The following SLC25A48 variants were observed in gnomAD, a reference collection of about 807,000 sequenced individuals.
The protein encoded by SLC25A48 is solute carrier family 25 member 48, also known as CTC-321K16.1.
SLC25A48 carries 29 observed loss-of-function variants against 32.2 expected under a neutral mutation model. The observed-to-expected ratio is 0.90, with a 90% CI of 0.67 to 1.23. SLC25A48 has a LOEUF of 1.23. Among genes scored for constraint, SLC25A48 ranks in the 50% most tolerant of loss-of-function variants. SLC25A48 has a pLI of 0.00. For missense variants in SLC25A48, 399 were observed against 422.7 expected, an observed-to-expected ratio of 0.94 and a Z score of 0.49; for synonymous variants, 164 against 172.3, an observed-to-expected ratio of 0.95 and a Z score of 0.38.
intron 3 of SLC25A48, among the ~76,000 whole-genome samples, chr5:135,787,571 C>A (rs914976300): frequency 6.6e-6 from 1 of 151,930 alleles, no homozygotes; most frequent in East Asian, 1.9e-4. Flanking sequence ...GAGGTGTACA[C>A]CCTGTAATAT....
intron 3 of SLC25A48, among the ~76,000 whole-genome samples, chr5:135,791,634 C>T (rs1757033463): frequency 6.6e-6 from 1 of 151,574 alleles, no homozygotes; most frequent in African/African-American, 2.4e-5. Flanking sequence ...CCTAATGTCA[C>T]AGAGGGTGTA....
upstream of SLC25A48, chr5:135,834,637 G>A: frequency 1.7e-6 from 1 of 574,690 alleles, no homozygotes; most frequent in South Asian, 2.4e-5. Flanking sequence ...GGTCCACTGG[G>A]GGCGTGATGT....
intron 1 of SLC25A48, among the ~76,000 whole-genome samples, chr5:135,614,862 T>G (rs1472206690): frequency 6.6e-6 from 1 of 152,206 alleles, no homozygotes; most frequent in African/African-American, 2.4e-5. Flanking sequence ...ATTTCACCCT[T>G]TCTGTTCTCG....
In SLC25A48 at chr5:135,631,588, A is replaced by G. The variant is rs573375912; in HGVS notation, c.-709+2212A>G. Among the ~76,000 whole-genome samples the G allele has an allele frequency of 2.6e-5, 4 of 152,334 alleles. No individual in the cohort carries two copies. The South Asian group carries it at 8.3e-4, about 32-fold the overall frequency. ...TGAAAGCTCCAGGGTGACCCAACAA[A>G]TGGCTAATTTTCCAGAACTAATCTG... On this transcript the variant is annotated intron_variant, in intron 2 of 10. Coordinates refer to the SLC25A48 transcript ENST00000646290.
At chr5:135,607,207 C>G (rs988310824) in intron 1 of SLC25A48, among the ~76,000 whole-genome samples, 1 of 152,236 alleles carries the variant, frequency 6.6e-6, no homozygotes, top group Non-Finnish European at 1.5e-5. Flanking sequence ...CCCTTTCCTT[C>G]CCCTACATTC....
chr5:135,771,146 A>G (rs577734871), intron 3 of SLC25A48, among the ~76,000 whole-genome samples: 1 of 151,514 alleles, frequency 6.6e-6, no homozygotes, highest in South Asian at 2.1e-4. Flanking sequence ...AGTGGGGAAG[A>G]AAATGATATT....
intron 7 of SLC25A48, among the ~76,000 whole-genome samples, chr5:135,882,662 G>A (rs1762560264): frequency 1.3e-5 from 2 of 152,140 alleles, no homozygotes; most frequent in Admixed American, 6.5e-5. Flanking sequence ...GACCTTTGGT[G>A]GTAGAAGTGG....
At chr5:135,640,973 C>A (rs1293957254) in intron 3 of SLC25A48, among the ~76,000 whole-genome samples, 1 of 152,106 alleles carries the variant, frequency 6.6e-6, no homozygotes, top group African/African-American at 2.4e-5. Context: ...TTCTATTCAA[C>A]ATTTCGTTGG....
chr5:135,602,725 T>C (rs1163423429), intron 1 of SLC25A48, among the ~76,000 whole-genome samples: 6 of 152,050 alleles, frequency 3.9e-5, no homozygotes, highest in Non-Finnish European at 1.5e-5. Context: ...TAACTCGTCA[T>C]TTACATTAGG....
chr5:135,625,944 A>G (rs1162538615), intron 1 of SLC25A48, among the ~76,000 whole-genome samples: 3 of 152,162 alleles, frequency 2.0e-5, no homozygotes, highest in African/African-American at 7.2e-5. Flanking sequence ...AGACCCCAAG[A>G]ATGACTTCCT....
At chr5:135,718,204 G>T (rs1476982478) in intron 3 of SLC25A48, among the ~76,000 whole-genome samples, 1 of 152,128 alleles carries the variant, frequency 6.6e-6, no homozygotes, top group East Asian at 1.9e-4. Flanking sequence ...GCCTTGGTGA[G>T]GGGTGAGGGA....
At chr5:135,841,713 G>A (rs997438895) in intron 1 of SLC25A48, among the ~76,000 whole-genome samples, 2 of 151,170 alleles carry the variant, frequency 1.3e-5, no homozygotes, top group East Asian at 2.0e-4. Context: ...GTGTGGGTGG[G>A]GGGTATAAAA....
intron 1 of SLC25A48, among the ~76,000 whole-genome samples, chr5:135,596,491 G>A (rs896202848): frequency 6.6e-5 from 10 of 152,180 alleles, no homozygotes; most frequent in Non-Finnish European, 1.3e-4. Flanking sequence ...TTTAGCCTCC[G>A]TAGTCCTCAA....
At chr5:135,610,197 T>C (rs1277253667) in intron 1 of SLC25A48, among the ~76,000 whole-genome samples, 1 of 152,156 alleles carries the variant, frequency 6.6e-6, no homozygotes, top group African/African-American at 2.4e-5. Flanking sequence ...CATCCACACA[T>C]GCACAGACAT....
At chr5:135,879,160 G>A (rs1014061515) in intron 6 of SLC25A48, among the ~76,000 whole-genome samples, 1 of 152,078 alleles carries the variant, frequency 6.6e-6, no homozygotes, top group African/African-American at 2.4e-5. Flanking sequence ...ATCAGCACAG[G>A]CCATTCTTCC....
At chr5:135,831,311 T>G (rs1268977302), upstream of SLC25A48, among the ~76,000 whole-genome samples, 1 of 152,214 alleles carries the variant, frequency 6.6e-6, no homozygotes, top group African/African-American at 2.4e-5. Flanking sequence ...CCATGTCTCC[T>G]CATTTAAGGC....
intron 6 of SLC25A48, chr5:135,875,859 C>T (rs1005624064): frequency 3.9e-5 from 6 of 152,192 alleles, no homozygotes; most frequent in African/African-American, 1.2e-4. Flanking sequence ...GGTCACTACC[C>T]ATTAAGCAAG....
intron 3 of SLC25A48, among the ~76,000 whole-genome samples, chr5:135,793,979 G>A (rs777113674): frequency 3.6e-4 from 54 of 151,962 alleles, no homozygotes; most frequent in Admixed American, 9.2e-4. Context: ...GTATCGCAGA[G>A]GGTGTATACT....
At chr5:135,881,411 T>G (rs894873586) in intron 7 of SLC25A48, among the ~76,000 whole-genome samples, 2 of 152,218 alleles carry the variant, frequency 1.3e-5, no homozygotes, top group Non-Finnish European at 2.9e-5. Flanking sequence ...TCAGGCAGAC[T>G]GTAGTCAGCC....
Sources: allele counts gnomAD v4.1 joint callset (sites outside exome capture counted in the v4.1 genomes callset), GRCh38; gene constraint gnomAD v4.1.1; transcripts MANE v1.5; gene names NCBI Gene and HGNC (gene_info 2026-07-23, HGNC 2026-07-21).